The following NIBAN1 variants were observed in gnomAD, a reference collection of about 807,000 sequenced individuals.
The protein encoded by NIBAN1 is protein Niban 1.
NIBAN1 carries 81 observed loss-of-function variants against 75.1 expected under a neutral mutation model. That is an observed-to-expected ratio of 1.08 (90% CI 0.90 to 1.30). The LOEUF is 1.30. NIBAN1 is among the 50% of genes most tolerant of loss of function. The pLI is 0.00. For synonymous variants in NIBAN1, 436 were observed against 424.8 expected, an observed-to-expected ratio of 1.03 and a Z score of -0.32; for missense variants, 1,133 against 1,128.1, an observed-to-expected ratio of 1.00 and a Z score of -0.06.
chr1:184,845,477 T>C (rs1655411248), intron 5 of NIBAN1, among the ~76,000 whole-genome samples: 1 of 152,220 alleles, frequency 6.6e-6, no homozygotes, highest in African/African-American at 2.4e-5. Flanking sequence ...AAGCAGATTA[T>C]AGGCCAAGTA....
At chr1:184,965,973 C>T (rs1555266) in intron 1 of NIBAN1, among the ~76,000 whole-genome samples, 82,889 of 152,056 alleles carry the variant, frequency 0.55, 24,045 homozygotes, top group Non-Finnish European at 0.65. Context: ...AGATAATCTG[C>T]GAGTAAAAGA....
intron 9 of NIBAN1, among the ~76,000 whole-genome samples, chr1:184,810,748 C>T (rs556324537): frequency 2.0e-5 from 3 of 152,282 alleles, no homozygotes; most frequent in South Asian, 2.1e-4. Flanking sequence ...GAGGCACCCC[C>T]GGAGAATTTG....
rs1364610562 is a variant in NIBAN1, at chr1:184,963,681, G to A, written c.55+10621C>T. 4.6e-5 allele frequency among the ~76,000 whole-genome samples: 7 copies of A among 152,092 alleles called. No individual in the cohort carries two copies. The South Asian group carries it at 1.5e-3, about 32-fold the overall frequency. ...TCCCAATAGTAAGAAAAAGTGAAAG[G>A]CACCAATAAATAAACTTATTAAACA... On this transcript the variant is annotated intron_variant, in intron 1 of 13. Transcript: ENST00000367511.
intron 5 of NIBAN1, among the ~76,000 whole-genome samples, chr1:184,866,685 C>T (rs1470270799): frequency 6.6e-6 from 1 of 152,074 alleles, no homozygotes; most frequent in Non-Finnish European, 1.5e-5. Context: ...GTACTGTGTT[C>T]ATTTAAAGCC....
chr1:184,862,281 G>A (rs911105917), intron 5 of NIBAN1, among the ~76,000 whole-genome samples: 7 of 151,908 alleles, frequency 4.6e-5, no homozygotes, highest in South Asian at 4.2e-4. Context: ...CTTCCTAGTC[G>A]ATGCTCCATT....
Position 184,795,039 on chromosome 1 carries a change from C to G in NIBAN1, c.2725G>C (p.Asp909His). Reference protein sequence around the residue: ...PNPDVLLSHKDDVKEGEGGQE... With the variant: ...PNPDVLLSHKHDVKEGEGGQE... ...CCACCTTCTCCCTCCTTCACGTCAT[C>G]TTTGTGTGACAGCAGGACATCCGGG... is the stretch of plus-strand genomic sequence containing the variant. The change falls in exon 14 of 14, where the codon GAT (aspartate) becomes CAT (histidine). Residue 909 changes from aspartate (D) to histidine (H), a missense_variant. Physicochemically the swap from Asp to His is moderately conservative, Grantham distance 81 (BLOSUM62 -1). Coordinates refer to ENST00000367511, the MANE Select transcript of NIBAN1 (RefSeq NM_052966.4). 1.2e-6 allele frequency: 2 copies of G among 1,613,794 alleles called. No individual in the cohort carries two copies. The highest frequency in any genetic ancestry group is 1.7e-6 in the Non-Finnish European group (2 of 1,180,040).
intron 5 of NIBAN1, among the ~76,000 whole-genome samples, chr1:184,856,111 T>C (rs1254383989): frequency 6.6e-6 from 1 of 152,240 alleles, no homozygotes; most frequent in Non-Finnish European, 1.5e-5. Flanking sequence ...TTTCTAGTTA[T>C]AAATGCTGAA....
intron 1 of NIBAN1, among the ~76,000 whole-genome samples, chr1:184,934,987 T>G (rs1300336076): frequency 6.6e-6 from 1 of 152,200 alleles, no homozygotes; most frequent in South Asian, 2.1e-4. Context: ...GGAGGATCAC[T>G]TAAGCCGGGG....
At chr1:184,897,277 A>AGTGTGTGTGTGT (rs34548568) in intron 2 of NIBAN1, among the ~76,000 whole-genome samples, 14 of 132,688 alleles carry the variant, frequency 1.1e-4, no homozygotes, top group African/African-American at 3.3e-4. Flanking sequence ...TGTACTCCTA[A>AGTGTGTGTGTGT]GTGTGTGTGT....
At chr1:184,842,303 C>A (rs1220448679) in intron 5 of NIBAN1, among the ~76,000 whole-genome samples, 1 of 152,212 alleles carries the variant, frequency 6.6e-6, no homozygotes, top group Non-Finnish European at 1.5e-5. Context: ...AGCTGGCCCC[C>A]ACTCCCAGAG....
intron 1 of NIBAN1, among the ~76,000 whole-genome samples, chr1:184,939,975 A>G (rs1483981160): frequency 6.6e-6 from 1 of 152,204 alleles, no homozygotes; most frequent in East Asian, 1.9e-4. Flanking sequence ...TGGTTCCGGG[A>G]GTGTCTCAGA....
Position 184,943,379 on chromosome 1 carries a change from CTT to C in NIBAN1, c.55+30921_55+30922del, listed in dbSNP as rs573155714. On this transcript the variant is annotated intron_variant, in intron 1 of 13. Transcript: ENST00000367511. ...AAATTCAATTTTTCAAATGATGACTCTTTGGGATTAATATAGGCATCCGATCA... is the reference window on the plus strand; with the variant it reads ...AAATTCAATTTTTCAAATGATGACTCTGGGATTAATATAGGCATCCGATCA... Among the ~76,000 whole-genome samples, 282 of 152,232 alleles carry C rather than the reference CTT, an allele frequency of 1.9e-3. 1 individual carries two copies. Among genetic ancestry groups the C allele is most frequent in the African/African-American group, 6.6e-3 (276 of 41,544 alleles).
At chr1:184,892,743 CA>C (rs1656701989) in intron 3 of NIBAN1, among the ~76,000 whole-genome samples, 1 of 152,056 alleles carries the variant, frequency 6.6e-6, no homozygotes, top group Non-Finnish European at 1.5e-5. Context: ...GTAGTCCTCA[CA>C]GTGCTCTGTG....
chr1:184,941,652 C>CAAAA (rs1190148311), intron 1 of NIBAN1, among the ~76,000 whole-genome samples: 1 of 72,238 alleles, frequency 1.4e-5, no homozygotes, highest in Non-Finnish European at 3.1e-5. Flanking sequence ...GACCCTGTCT[C>CAAAA]AAAAAAAAAA....
chr1:184,894,979 T>C (rs1271831665), intron 2 of NIBAN1, among the ~76,000 whole-genome samples: 1 of 152,190 alleles, frequency 6.6e-6, no homozygotes, highest in East Asian at 1.9e-4. Context: ...GCCTCTTTTC[T>C]TTTACATGTC....
intron 2 of NIBAN1, among the ~76,000 whole-genome samples, chr1:184,897,697 T>C (rs2101986512): frequency 6.6e-6 from 1 of 152,292 alleles, no homozygotes. Context: ...AGGGAACTCG[T>C]GATCCCATTC....
At chr1:184,867,919 C>G (rs547248791) in intron 5 of NIBAN1, 48 of 985,254 alleles carry the variant, frequency 4.9e-5, no homozygotes, top group Non-Finnish European at 5.7e-5. Flanking sequence ...TAAAGTGTCC[C>G]GTGTCACACA....
chr1:184,866,704 T>C (rs1655967235), intron 5 of NIBAN1, among the ~76,000 whole-genome samples: 1 of 152,084 alleles, frequency 6.6e-6, no homozygotes, highest in South Asian at 2.1e-4. Context: ...CCACCAAATA[T>C]GGAACTAGAA....
chr1:184,811,501 C>CTT (rs746898293), intron 9 of NIBAN1, among the ~76,000 whole-genome samples: 1 of 33,566 alleles, frequency 3.0e-5, no homozygotes, highest in African/African-American at 2.0e-4. Context: ...TACTTTCTTC[C>CTT]TTTTTTTTTT....
Sources: allele counts gnomAD v4.1 joint callset (sites outside exome capture counted in the v4.1 genomes callset), GRCh38; gene constraint gnomAD v4.1.1; transcripts MANE v1.5; gene names NCBI Gene and HGNC (gene_info 2026-07-23, HGNC 2026-07-21).